Variants in GADL1 observed in about 807,000 individuals in gnomAD.
GADL1 encodes the protein GAD like acidic amino acid decarboxylase 1, also known as acidic amino acid decarboxylase GADL1.
Under a neutral mutation model 69.5 loss-of-function variants are expected in GADL1, and 71 were observed. The observed-to-expected ratio is 1.02, with a 90% CI of 0.84 to 1.25. The LOEUF is 1.25. Ranked by LOEUF, GADL1 falls within the 50% of genes most tolerant of loss-of-function variation. The pLI, the probability that GADL1 is intolerant of heterozygous loss-of-function variation, is 0.00. For synonymous variants in GADL1, 254 were observed against 214.4 expected (o/e 1.18, Z -1.62); for missense variants, 737 against 631.8 (o/e 1.17, Z -1.79).
intron 1 of GADL1, among the ~76,000 whole-genome samples, chr3:30,876,682 C>T (rs2125543248): frequency 7.1e-6 from 1 of 141,808 alleles, no homozygotes; most frequent in South Asian, 2.2e-4. Context: ...TTGGTCAGAA[C>T]CTACTCTTGC....
At chr3:30,742,393 T>C (rs1300090840) in intron 14 of GADL1, among the ~76,000 whole-genome samples, 1 of 152,018 alleles carries the variant, frequency 6.6e-6, no homozygotes, top group African/African-American at 2.4e-5. Flanking sequence ...GATAAAATTA[T>C]TCTGACTAAA....
At chr3:30,824,201 G>GA (rs527355795) in intron 11 of GADL1, among the ~76,000 whole-genome samples, 45 of 150,596 alleles carry the variant, frequency 3.0e-4, no homozygotes, top group Middle Eastern at 3.4e-3. Context: ...GAAGCCAGAG[G>GA]AAAAAAAGTC....
chr3:30,894,180 G>A lies in GADL1; in HGVS notation c.37+398C>T, dbSNP rs574321359. ...TCTTTTAACCCCTGTTTATAGAATAGCTGGCTGCAGGTGAAAGGACTGAGA... is the reference window on the plus strand; with the variant it reads ...TCTTTTAACCCCTGTTTATAGAATAACTGGCTGCAGGTGAAAGGACTGAGA... On this transcript the variant is annotated intron_variant, in intron 1 of 14. Coordinates refer to ENST00000282538, the MANE Select transcript of GADL1 (RefSeq NM_207359.3). Among the ~76,000 whole-genome samples the A allele has an allele frequency of 2.0e-5, 3 of 152,294 alleles. No homozygotes were observed. The East Asian group carries it at 5.8e-4, about 29-fold the overall frequency.
At position 30,861,609 on chromosome 3, in the gene GADL1, G is replaced by A. The variant is rs1698321970; in HGVS notation, c.194C>T (p.Thr65Ile). ...LIMEEVVLKA[T>I]DVNEKVCEWR... ...AATTTTTACCTTCTCATTGACATCT[G>A]TAGCTTTCAAAACCACCTCTTCCAT... Residue 65 changes from threonine to isoleucine, a missense_variant, in exon 2 of 15, where the codon ACA becomes ATA. Thr to Ile is a moderately conservative substitution (Grantham distance 89). Transcript: ENST00000282538. 6.5e-7 allele frequency: 1 copy of A among 1,547,264 alleles called. No homozygotes were observed. Among genetic ancestry groups the A allele is most frequent in the African/African-American group, 1.4e-5 (1 of 72,654 alleles).
intron 12 of GADL1, among the ~76,000 whole-genome samples, chr3:30,787,964 T>C (rs1696832408): frequency 6.6e-6 from 1 of 152,194 alleles, no homozygotes; most frequent in Admixed American, 6.5e-5. Flanking sequence ...AAAGATATTA[T>C]CTATATGCAA....
rs760958946 is a variant in GADL1 at position 30,864,168 on chromosome 3, G to A, written c.38-2403C>T. Among the ~76,000 whole-genome samples, 265 of 152,118 alleles carry A rather than the reference G, an allele frequency of 1.7e-3. 2 individuals carry two copies. The highest frequency in any genetic ancestry group is 1.8e-3 in the East Asian group (9 of 5,140). The stretch of plus-strand genomic sequence containing the variant: ...CCAAATTTTTTAGGCCCTAAAAATA[G>A]AGTAAGAAAGAGAGCAATTATTCCA... On this transcript the variant is annotated intron_variant, in intron 1 of 14. Transcript: ENST00000282538.
At chr3:30,805,682 G>A (rs1055876713) in intron 11 of GADL1, among the ~76,000 whole-genome samples, 1 of 145,904 alleles carries the variant, frequency 6.9e-6, no homozygotes, top group Non-Finnish European at 1.5e-5. Context: ...TTTTTGGTCA[G>A]TGATCCCATG....
At chr3:30,771,123 G>T (rs1308097345) in intron 14 of GADL1, among the ~76,000 whole-genome samples, 1 of 152,158 alleles carries the variant, frequency 6.6e-6, no homozygotes, top group African/African-American at 2.4e-5. Context: ...AGTATATTTA[G>T]AAAGACAATA....
chr3:30,768,033 ATAC>A (rs1344601745), intron 14 of GADL1, among the ~76,000 whole-genome samples: 1 of 29,118 alleles, frequency 3.4e-5, no homozygotes, highest in Non-Finnish European at 6.6e-5. Context: ...ATAACTCCCC[ATAC>A]CCCCCCCCCC....
At chr3:30,797,672 T>TTG (rs1238093107) in intron 12 of GADL1, 1 of 148,038 alleles carries the variant, frequency 6.8e-6, no homozygotes, top group East Asian at 1.9e-4. Flanking sequence ...TTGTTTTTGT[T>TTG]TTTTTTTTGT....
At chr3:30,870,200 C>T (rs369795176) in intron 1 of GADL1, among the ~76,000 whole-genome samples, 2 of 151,676 alleles carry the variant, frequency 1.3e-5, no homozygotes, top group East Asian at 3.9e-4. Flanking sequence ...CTATAATGTT[C>T]TAAAGGAAAT....
intron 1 of GADL1, among the ~76,000 whole-genome samples, chr3:30,881,843 G>T (rs1698646703): frequency 1.3e-5 from 2 of 151,864 alleles, no homozygotes; most frequent in South Asian, 4.2e-4. Flanking sequence ...AGGTCATGAG[G>T]GCTCCAGCCT....
intron 14 of GADL1, among the ~76,000 whole-genome samples, chr3:30,753,400 T>C (rs1695882132): frequency 1.3e-5 from 2 of 152,264 alleles, no homozygotes; most frequent in South Asian, 4.1e-4. Context: ...ATTTGCATTT[T>C]GCTTATTTAC....
chr3:30,778,120 G>A, intron 14 of GADL1, 59 bp downstream of exon 14: 1 of 945,498 alleles, frequency 1.1e-6, no homozygotes, highest in Non-Finnish European at 1.7e-6. Context: ...AGGATCAACA[G>A]ATAATGTACA....
chr3:30,749,012 T>C (rs1320259971), intron 14 of GADL1, among the ~76,000 whole-genome samples: 1 of 152,164 alleles, frequency 6.6e-6, no homozygotes, highest in Non-Finnish European at 1.5e-5. Context: ...ACATTCAATG[T>C]TGTGGTTCTT....
intron 1 of GADL1, among the ~76,000 whole-genome samples, chr3:30,873,995 A>G (rs1428243432): frequency 6.6e-6 from 1 of 151,888 alleles, no homozygotes; most frequent in African/African-American, 2.4e-5. Flanking sequence ...TGGCAGTAAA[A>G]CCTTTCCAAG....
chr3:30,834,873 G>A (rs1283587283), intron 9 of GADL1, among the ~76,000 whole-genome samples: 8 of 152,080 alleles, frequency 5.3e-5, no homozygotes, highest in Non-Finnish European at 1.0e-4. Context: ...AAGGAGAGGG[G>A]AGCTCAGATA....
At chr3:30,851,662 A>T (rs1344309556) in intron 4 of GADL1, among the ~76,000 whole-genome samples, 1 of 149,264 alleles carries the variant, frequency 6.7e-6, no homozygotes, top group Non-Finnish European at 1.5e-5. Flanking sequence ...ACTGCTGGAG[A>T]TGTAAAGGCC....
At chr3:30,732,852 G>A (rs979700065) in intron 14 of GADL1, among the ~76,000 whole-genome samples, 1 of 152,194 alleles carries the variant, frequency 6.6e-6, no homozygotes, top group African/African-American at 2.4e-5. Flanking sequence ...GAGGCCAGGA[G>A]TTTGAGACCA....
Sources: allele counts gnomAD v4.1 joint callset (sites outside exome capture counted in the v4.1 genomes callset), GRCh38; gene constraint gnomAD v4.1.1; transcripts MANE v1.5; gene names NCBI Gene and HGNC (gene_info 2026-07-23, HGNC 2026-07-21).